SLCO3A1: variants seen among roughly 807,000 people sequenced by gnomAD.
SLCO3A1 encodes PGE1 transporter.
SLCO3A1 carries 27 observed loss-of-function variants against 63.1 expected under a neutral mutation model. That is an observed-to-expected ratio of 0.43 (90% confidence interval 0.32 to 0.59). The LOEUF (loss-of-function observed/expected upper bound fraction) is 0.59. SLCO3A1 is among the 20% of genes least tolerant of loss of function. SLCO3A1 has a pLI of 0.09. For missense variants in SLCO3A1, 773 were observed against 945.8 expected, an observed-to-expected ratio of 0.82 and a Z score of 2.40; for synonymous variants, 473 against 409.9, an observed-to-expected ratio of 1.15 and a Z score of -1.86.
At chr15:91,985,613 C>T (rs762962849) in intron 2 of SLCO3A1, among the ~76,000 whole-genome samples, 14 of 152,144 alleles carry the variant, frequency 9.2e-5, no homozygotes, top group Non-Finnish European at 8.8e-5. Flanking sequence ...GTATTAGTGT[C>T]GTCTTTTTAG....
At chr15:92,095,332 T>G (rs1302469810) in intron 3 of SLCO3A1, among the ~76,000 whole-genome samples, 1 of 152,240 alleles carries the variant, frequency 6.6e-6, no homozygotes, top group Non-Finnish European at 1.5e-5. Flanking sequence ...GCTTGGCATA[T>G]CCTCATTGAG....
At chr15:91,931,199 G>A (rs934797892) in intron 2 of SLCO3A1, among the ~76,000 whole-genome samples, 7 of 152,188 alleles carry the variant, frequency 4.6e-5, no homozygotes, top group Admixed American at 3.3e-4. Context: ...AAGAGCTCAC[G>A]TAAACTCGGT....
chr15:91,934,136 T>C, intron 2 of SLCO3A1, among the ~76,000 whole-genome samples: 1 of 152,164 alleles, frequency 6.6e-6, no homozygotes, highest in East Asian at 1.9e-4. Context: ...ATAATCAGTA[T>C]GTGTGTCTGT....
In SLCO3A1 at chr15:91,916,245, G is replaced by A. The variant is rs772562559; in HGVS notation, c.433G>A (p.Glu145Lys). ...GGCGGGCGAGATCCGCTGGGGCGCCGAGGGCCGCGACGTCTGCGCAGCCAA... is the reference window on the plus strand; with the variant it reads ...GGCGGGCGAGATCCGCTGGGGCGCCAAGGGCCGCGACGTCTGCGCAGCCAA... Reference protein sequence around the residue: ...YEAGEIRWGAEGRDVCAANGS... With the variant: ...YEAGEIRWGAKGRDVCAANGS... The change falls in exon 2 of 10, where the codon GAG becomes AAG. Residue 145 changes from glutamate to lysine, a missense_variant. Around this residue, in one of 3 missense-constraint regions of SLCO3A1, gnomAD observed 565 missense variants for 749.8 expected, o/e 0.75. Coordinates refer to ENST00000318445, the MANE Select transcript of SLCO3A1 (RefSeq NM_013272.4). The surrounding 1 kb of genome is among the most constrained non-coding windows in gnomAD (Gnocchi z 6.2). The A allele has an allele frequency of 8.9e-6, 14 of 1,566,246 alleles. No homozygotes were observed. The South Asian group carries it at 1.3e-4, about 14-fold the overall frequency.
intron 2 of SLCO3A1, among the ~76,000 whole-genome samples, chr15:92,070,986 C>A (rs2047209102): frequency 6.6e-6 from 1 of 151,866 alleles, no homozygotes; most frequent in South Asian, 2.1e-4. Flanking sequence ...TTGAGATCAG[C>A]AATATATATG....
chr15:91,877,409 T>C (rs1391317041), intron 1 of SLCO3A1, among the ~76,000 whole-genome samples: 1 of 152,226 alleles, frequency 6.6e-6, no homozygotes, highest in African/African-American at 2.4e-5. Flanking sequence ...TGTCAGGCAC[T>C]CTTCTAGATA....
intron 2 of SLCO3A1, among the ~76,000 whole-genome samples, chr15:92,075,343 G>C (rs1238157667): frequency 6.6e-6 from 1 of 152,098 alleles, no homozygotes; most frequent in East Asian, 1.9e-4. Flanking sequence ...CCCTCCAGGA[G>C]GTAATCCAGC....
chr15:92,100,052 T>C lies in SLCO3A1; in HGVS notation c.746-4227T>C, dbSNP rs188761236. ...CTGCACTACAGCCTGGGCAATAGAG[T>C]GAAACTCCATCTCAAAAAAAAAAAA... On this transcript the variant is annotated intron_variant, in intron 3 of 9. Coordinates refer to ENST00000318445, the MANE Select transcript of SLCO3A1 (RefSeq NM_013272.4). 2.2e-5 allele frequency among the ~76,000 whole-genome samples: 3 copies of C among 138,976 alleles called. No individual in the cohort carries two copies. In the Admixed American group the frequency reaches 2.3e-4, roughly 11 times the overall value. The allele number at this position is 138,976 out of a possible 152,430, so 91.2% of individuals were successfully genotyped here. A position where few individuals can be genotyped will look rare whatever the true frequency, so the allele number is the denominator to read the frequency against.
rs188022745 is a variant in SLCO3A1, at chr15:91,859,837, G to A, written c.180+5749G>A. Among the ~76,000 whole-genome samples, 29 of 152,208 alleles carry A rather than the reference G, an allele frequency of 1.9e-4. No individual in the cohort carries two copies. Among genetic ancestry groups the A allele is most frequent in the East Asian group, 5.8e-4 (3 of 5,186 alleles). On this transcript the variant is annotated intron_variant, in intron 1 of 9. Transcript: ENST00000318445. The surrounding 1 kb of genome is among the most constrained non-coding windows in gnomAD (Gnocchi z 5.1). ...CATATTTACTGCAAACATAATAACC[G>A]TGTAGCCCCAACCAATGAGAAATAA... is the stretch of plus-strand genomic sequence containing the variant.
chr15:92,106,246 T>C (rs1304026570), intron 4 of SLCO3A1, among the ~76,000 whole-genome samples: 2 of 152,202 alleles, frequency 1.3e-5, no homozygotes, highest in African/African-American at 4.8e-5. Flanking sequence ...TTTGGAATCA[T>C]CCATAAAACT....
chr15:91,915,697 T>G (rs1898631451), intron 1 of SLCO3A1, among the ~76,000 whole-genome samples: 1 of 152,096 alleles, frequency 6.6e-6, no homozygotes, highest in African/African-American at 2.4e-5. Context: ...GGGTGGGGAA[T>G]GCAGTGTTTC....
chr15:91,909,017 C>T (rs1391542436), intron 1 of SLCO3A1, among the ~76,000 whole-genome samples: 1 of 152,186 alleles, frequency 6.6e-6, no homozygotes, highest in East Asian at 1.9e-4. Context: ...GCCGAGGTCG[C>T]GCCATTGCAC....
At position 92,033,440 on chromosome 15, in the gene SLCO3A1, G is replaced by A. The variant is rs2046680984; in HGVS notation, c.647-61441G>A. On this transcript the variant is annotated intron_variant, in intron 2 of 9. Transcript: ENST00000318445. This position sits in a 1 kb window ranked among gnomAD's most constrained non-coding sequence, Gnocchi z 4.5. ...AAGTAACGATGTTCACGCTTGGGCA[G>A]CTGGATGGACACGTCGTGGAGTGAA... 6.6e-6 allele frequency among the ~76,000 whole-genome samples: 1 copy of A among 152,196 alleles called. No individual in the cohort carries two copies. The highest frequency in any genetic ancestry group is 6.5e-5 in the Admixed American group (1 of 15,276).
chr15:91,948,000 C>T (rs531517078), intron 2 of SLCO3A1, among the ~76,000 whole-genome samples: 4 of 152,282 alleles, frequency 2.6e-5, no homozygotes, highest in South Asian at 4.1e-4. Context: ...AATTGTTTAT[C>T]CTCCCAACTA....
At chr15:92,146,338 A>T (rs2048222528) in intron 7 of SLCO3A1, among the ~76,000 whole-genome samples, 1 of 152,184 alleles carries the variant, frequency 6.6e-6, no homozygotes, top group African/African-American at 2.4e-5. Context: ...CTCTGATCAT[A>T]TATTAATAAA....
intron 1 of SLCO3A1, among the ~76,000 whole-genome samples, chr15:91,895,635 T>A (rs1897984495): frequency 6.6e-6 from 1 of 152,184 alleles, no homozygotes; most frequent in Non-Finnish European, 1.5e-5. Flanking sequence ...TCATAGTGCT[T>A]CTAGTAGTTC....
intron 2 of SLCO3A1, among the ~76,000 whole-genome samples, chr15:92,010,102 A>G (rs1270370414): frequency 1.3e-5 from 2 of 152,200 alleles, no homozygotes; most frequent in Non-Finnish European, 2.9e-5. Flanking sequence ...ATAAACTACC[A>G]CATGACACTT....
At chr15:91,923,566 C>G (rs1898916582) in intron 2 of SLCO3A1, among the ~76,000 whole-genome samples, 2 of 152,184 alleles carry the variant, frequency 1.3e-5, no homozygotes, top group Non-Finnish European at 2.9e-5. Context: ...TATGGATTGG[C>G]TTTCTGGGTT....
intron 2 of SLCO3A1, among the ~76,000 whole-genome samples, chr15:92,034,941 A>G (rs557710431): frequency 6.6e-6 from 1 of 151,978 alleles, no homozygotes; most frequent in Admixed American, 6.6e-5. Flanking sequence ...CCCTCATTTC[A>G]TTCTCACCAT....
Sources: allele counts gnomAD v4.1 joint callset (sites outside exome capture counted in the v4.1 genomes callset), GRCh38; gene constraint gnomAD v4.1.1; regional missense constraint gnomAD v4.1.1; non-coding constraint Gnocchi (gnomAD v3.1); transcripts MANE v1.5; gene names NCBI Gene and HGNC (gene_info 2026-07-23, HGNC 2026-07-21).